The following SLC9A6 variants were observed in gnomAD, a reference collection of about 807,000 sequenced individuals.
The protein encoded by SLC9A6 is sodium/hydrogen exchanger 6.
In SLC9A6, 6 loss-of-function variants were observed where a neutral mutation model predicts 45.3. That is an observed-to-expected ratio of 0.13 (90% confidence interval 0.07 to 0.26). The LOEUF (loss-of-function observed/expected upper bound fraction) is 0.26, where lower values mean the gene tolerates loss of function less well. SLC9A6 is among the 10% of genes least tolerant of loss of function. The pLI is 1.00. For synonymous variants in SLC9A6, 191 were observed against 187.7 expected (o/e 1.02, Z -0.14); for missense variants, 278 against 503.7 (o/e 0.55, Z 4.29).
intron 7 of SLC9A6, among the ~76,000 whole-genome samples, chrX:136,005,613 G>C (rs140635351): frequency 0.071 from 7,740 of 108,828 alleles, 322 homozygotes; most frequent in African/African-American, 0.15. Flanking sequence ...CCCAGGAGGC[G>C]GAAGTTGCGG....
chrX:135,990,775 A>AAAAT (rs1387293418), intron 2 of SLC9A6, among the ~76,000 whole-genome samples: 4 of 110,811 alleles, frequency 3.6e-5, no homozygotes, highest in African/African-American at 6.6e-5. Context: ...CTCCGTCTCA[A>AAAAT]AAATAAATAA....
rs1434377367 is a variant in SLC9A6 at position 136,014,539 on chromosome X, C to G, written c.1080+1102C>G. 5.3e-5 allele frequency among the ~76,000 whole-genome samples: 6 copies of G among 112,715 alleles called. No individual in the cohort carries two copies. In the East Asian group the frequency reaches 1.7e-3, roughly 32 times the overall value. On this transcript the variant is annotated intron_variant, in intron 10 of 17. Coordinates refer to ENST00000630721, the MANE Select transcript of SLC9A6 (RefSeq NM_001379110.1). Reference sequence around the variant, plus strand: ...CAGCATTTTGGGAGGCCAAAGCGGGCGGATCACCCGAGGTCAGAAGTTCGA... The same window carrying G: ...CAGCATTTTGGGAGGCCAAAGCGGGGGGATCACCCGAGGTCAGAAGTTCGA...
At chrX:136,025,493 TCA>T (rs2071210499) in intron 13 of SLC9A6, among the ~76,000 whole-genome samples, 1 of 112,567 alleles carries the variant, frequency 8.9e-6, no homozygotes, top group African/African-American at 3.2e-5. Flanking sequence ...CAGCCCTAAA[TCA>T]CACTTTGAAT....
intron 15 of SLC9A6, chrX:136,030,494 G>T: frequency 3.8e-6 from 1 of 264,591 alleles, no homozygotes; most frequent in Non-Finnish European, 6.8e-6. Flanking sequence ...TTCCACTTTG[G>T]TTTGCGCATG....
At position 136,033,411 on chromosome X, in the gene SLC9A6, C is replaced by T. The variant is rs563279759; in HGVS notation, c.1582-3C>T. ...TATTGATTTCTGTATTATCTATCTG[C>T]AGGGTGTTCCTGAAAATGAAAGGAG... On this transcript the variant is annotated splice_polypyrimidine_tract_variant and splice_region_variant and intron_variant, in intron 15 of 17. Coordinates refer to ENST00000630721, the MANE Select transcript of SLC9A6 (RefSeq NM_001379110.1). The T allele has an allele frequency of 3.6e-4, 404 of 1,132,859 alleles. 2 individuals are homozygous for T. In the South Asian group the frequency reaches 6.8e-3, roughly 19 times the overall value. The allele number at this position is 1,132,859 out of a possible 1,213,427, so 93.4% of individuals were successfully genotyped here.
exon 1 of SLC9A6, chrX:135,974,657 C>T (rs1237884191): frequency 5.0e-5 from 17 of 339,242 alleles, no homozygotes; most frequent in Non-Finnish European, 9.4e-5. Context: ...TGCTTCAGCT[C>T]CCTGGAAACT....
intron 16 of SLC9A6, among the ~76,000 whole-genome samples, chrX:136,035,773 C>T (rs1353916554): frequency 9.1e-6 from 1 of 109,983 alleles, no homozygotes; most frequent in East Asian, 2.8e-4. Flanking sequence ...TGTTTGTTTG[C>T]AGTAGTGTCT....
intron 12 of SLC9A6, among the ~76,000 whole-genome samples, 155 bp from the exon 13 acceptor site, chrX:136,024,174 AC>A (rs782170671): frequency 1.1e-3 from 120 of 112,648 alleles, no homozygotes; most frequent in Non-Finnish European, 1.8e-3. Context: ...GGTGTGAGCC[AC>A]CATGCACAGC....
At position 136,044,895 on chromosome X, in the gene SLC9A6, C is replaced by A; in HGVS notation, c.*171C>A. The A allele has an allele frequency of 2.1e-6, 1 of 468,628 alleles. No homozygotes were observed. The highest frequency in any genetic ancestry group is 3.6e-6 in the Non-Finnish European group (1 of 276,206). The allele number at this position is 468,628 out of a possible 1,213,427, so 38.6% of individuals were successfully genotyped here. ...CTGTACACGGCAGATTGTGAACAAA[C>A]TATATTCCTTTAAGTTTTCCTGGTT... On this transcript the variant is annotated 3_prime_UTR_variant, in exon 18 of 18. Coordinates refer to ENST00000630721, the MANE Select transcript of SLC9A6 (RefSeq NM_001379110.1).
At chrX:135,991,775 C>T (rs1256968469) in intron 2 of SLC9A6, among the ~76,000 whole-genome samples, 1 of 111,174 alleles carries the variant, frequency 9.0e-6, no homozygotes, top group African/African-American at 3.3e-5. Flanking sequence ...GAATTTTTTC[C>T]CTTTCTTCCT....
chrX:136,044,721 C>T lies in SLC9A6; in HGVS notation c.2037C>T (p.Ala679=), dbSNP rs1256013560. The change falls in exon 18 of 18, where the codon GCC becomes GCT. Residue 679 remains alanine (A), a synonymous_variant. Coordinates refer to ENST00000630721, the MANE Select transcript of SLC9A6 (RefSeq NM_001379110.1). The part of the protein sequence containing the change: ...NLLDNTRHGP[A] Reference sequence around the variant, plus strand: ...TAGATAATACGAGACATGGTCCAGCCTAAGCTTACTAATACTCACTTAGTG... The same window carrying T: ...TAGATAATACGAGACATGGTCCAGCTTAAGCTTACTAATACTCACTTAGTG... The T allele has an allele frequency of 2.5e-6, 3 of 1,207,167 alleles. No homozygotes were observed. The highest frequency in any genetic ancestry group is 2.2e-6 in the Non-Finnish European group (2 of 892,794).
At chrX:136,040,847 C>T (rs2071494923) in intron 17 of SLC9A6, among the ~76,000 whole-genome samples, 1 of 112,437 alleles carries the variant, frequency 8.9e-6, no homozygotes, top group Non-Finnish European at 1.9e-5. Context: ...TCTGGCCAGG[C>T]GTGGTGGCTC....
In SLC9A6 at chrX:135,998,726, A is replaced by T. The variant is rs2089540660; in HGVS notation, c.525-130A>T. ...TTTTCCTTAAGGCCAAAGTATTACC[A>T]TATTTCAATGACATGAATTAAATTT... On this transcript the variant is annotated intron_variant, in intron 5 of 17. Transcript: ENST00000630721. The T allele has an allele frequency of 7.6e-5, 49 of 640,678 alleles. No individual in the cohort carries two copies. In the South Asian group the frequency reaches 1.1e-3, roughly 15 times the overall value. 52.8% of individuals were successfully genotyped at this position (640,678 alleles called of 1,213,427 possible).
intron 17 of SLC9A6, among the ~76,000 whole-genome samples, chrX:136,044,175 G>T (rs782359415): frequency 9.0e-6 from 1 of 111,630 alleles, no homozygotes; most frequent in Admixed American, 9.5e-5. Context: ...GGACCTGAAG[G>T]TAAGAGAAAG....
rs782547014 is a variant in SLC9A6, at chrX:135,994,775, C to T, written c.170-11C>T. 5.8e-6 allele frequency: 7 copies of T among 1,207,736 alleles called. No individual in the cohort carries two copies. The East Asian group carries it at 1.8e-4, about 31-fold the overall frequency. ...GTCGGCAAGAAGAGCTTATGTTGTT[C>T]TTTTTTCCAGGTCTTTTGGTGGGCC... On this transcript the variant is annotated splice_polypyrimidine_tract_variant and intron_variant, in intron 2 of 17. Coordinates refer to ENST00000630721, the MANE Select transcript of SLC9A6 (RefSeq NM_001379110.1).
At chrX:136,035,025 C>T (rs782753420) in intron 16 of SLC9A6, among the ~76,000 whole-genome samples, 4 of 111,505 alleles carry the variant, frequency 3.6e-5, no homozygotes, top group East Asian at 2.8e-4. Context: ...GTTGAGAAAG[C>T]GTAGAATAAT....
In SLC9A6 at chrX:135,974,742, A is replaced by G. The variant is rs911208288; in HGVS notation, c.-98A>G. ...ACAAAATCCCAGGATCTGGAACCCCAAATACTTGGCTCGCGGGAAGTGCTC... is the reference window on the plus strand; with the variant it reads ...ACAAAATCCCAGGATCTGGAACCCCGAATACTTGGCTCGCGGGAAGTGCTC... On this transcript the variant is annotated 5_prime_UTR_variant, in exon 1 of 17. Transcript: ENST00000636092. 4 of 341,089 alleles carry G rather than the reference A, an allele frequency of 1.2e-5. No homozygotes were observed. The Admixed American group carries it at 1.2e-4, about 11-fold the overall frequency. The allele number at this position is 341,089 out of a possible 1,213,427, so 28.1% of individuals were successfully genotyped here. A position where few individuals can be genotyped will look rare whatever the true frequency, so the allele number is the denominator to read the frequency against.
chrX:135,996,998 C>T (rs933963492), intron 3 of SLC9A6, among the ~76,000 whole-genome samples: 1 of 111,009 alleles, frequency 9.0e-6, no homozygotes, highest in Non-Finnish European at 1.9e-5. Context: ...GATCTCCTGA[C>T]TTTGTGATCC....
chrX:136,000,946 C>G (rs2089572717), intron 6 of SLC9A6, among the ~76,000 whole-genome samples: 1 of 111,002 alleles, frequency 9.0e-6, no homozygotes, highest in Non-Finnish European at 1.9e-5. Flanking sequence ...GATTGTGCCA[C>G]TGTACTCCAG....
Sources: gnomAD v4.1 joint callset for allele counts (sites outside exome capture counted in the v4.1 genomes callset) on GRCh38, gnomAD v4.1.1 for gene constraint, MANE v1.5 for transcripts, NCBI Gene and HGNC (gene_info 2026-07-23, HGNC 2026-07-21) for gene names.